Variants in EVL observed in about 807,000 individuals in gnomAD.
EVL encodes Enah/Vasp-like, also known as ena/VASP-like protein.
In EVL, 21 loss-of-function variants were observed where a neutral mutation model predicts 59.6. The ratio of observed to expected loss-of-function variants is 0.35; its 90% CI spans 0.25 to 0.51. The LOEUF is 0.51. Among genes scored for constraint, EVL ranks in the 20% least tolerant of loss-of-function variants. The pLI is 0.97. For missense variants in EVL, 462 were observed against 546.6 expected (o/e 0.85, Z 1.54); for synonymous variants, 198 against 203.5 (o/e 0.97, Z 0.23).
chr14:100,109,762 C>T lies in EVL; in HGVS notation c.358+12104C>T, dbSNP rs372534783. On this transcript the variant is annotated intron_variant, in intron 3 of 13. Coordinates refer to ENST00000392920, the MANE Select transcript of EVL (RefSeq NM_016337.3). The surrounding 1 kb of genome is among the most constrained non-coding windows in gnomAD (Gnocchi z 4.3). ...TCACCTTGGCCTACTTATCACCACCCCAAACAGAGGAACACGCCTTCTCCA... is the reference window on the plus strand; with the variant it reads ...TCACCTTGGCCTACTTATCACCACCTCAAACAGAGGAACACGCCTTCTCCA... The T allele has an allele frequency of 1.3e-4, 66 of 521,032 alleles. No individual in the cohort carries two copies. The highest frequency in any genetic ancestry group is 2.5e-4 in the Non-Finnish European group (63 of 252,300). 32.3% of individuals were successfully genotyped at this position (521,032 alleles called of 1,614,324 possible).
chr14:100,095,016 G>A (rs1885707350), intron 2 of EVL, among the ~76,000 whole-genome samples: 1 of 152,170 alleles, frequency 6.6e-6, no homozygotes, highest in African/African-American at 2.4e-5. Context: ...ACTCCAGCCT[G>A]GGTGACAGAG....
chr14:100,017,106 T>C (rs1453798634), intron 1 of EVL, among the ~76,000 whole-genome samples: 1 of 152,248 alleles, frequency 6.6e-6, no homozygotes, highest in Non-Finnish European at 1.5e-5. Context: ...TGTATGACCC[T>C]GGACAAGTTA....
At position 100,056,389 on chromosome 14, in the gene EVL, T is replaced by TA. The variant is rs553311467; in HGVS notation, c.6-28288dup. Among the ~76,000 whole-genome samples, 1,454 of 149,564 alleles carry TA rather than the reference T, an allele frequency of 9.7e-3. 18 individuals are homozygous for TA. Among genetic ancestry groups the TA allele is most frequent in the African/African-American group, 0.033 (1,355 of 40,858 alleles). ...TATTTCAGCAATTATATTTTTATAC[T>TA]AAAAAAAAAATTGCTTGGTTGTTCT... On this transcript the variant is annotated intron_variant, in intron 1 of 13. Coordinates refer to the EVL transcript ENST00000402714.
chr14:100,031,282 T>G (rs967125325), intron 1 of EVL, among the ~76,000 whole-genome samples: 7 of 152,364 alleles, frequency 4.6e-5, no homozygotes, highest in African/African-American at 1.7e-4. Flanking sequence ...CTGATGATTC[T>G]GATGTACACA....
intron 1 of EVL, among the ~76,000 whole-genome samples, chr14:100,000,303 C>A (rs1450657756): frequency 6.6e-6 from 1 of 151,160 alleles, no homozygotes; most frequent in Non-Finnish European, 1.5e-5. Flanking sequence ...GATGGAGCTT[C>A]CAGGTCATAG....
At chr14:100,049,970 T>C (rs2061620297) in intron 1 of EVL, among the ~76,000 whole-genome samples, 1 of 152,250 alleles carries the variant, frequency 6.6e-6, no homozygotes, top group Non-Finnish European at 1.5e-5. Context: ...TGTTATGGCA[T>C]GTTTGCATCA....
intron 1 of EVL, among the ~76,000 whole-genome samples, chr14:99,987,790 C>T (rs2060848720): frequency 6.6e-6 from 1 of 152,012 alleles, no homozygotes; most frequent in Admixed American, 6.6e-5. Context: ...TCTTGGACTT[C>T]TCAGCTTCTA....
intron 1 of EVL, among the ~76,000 whole-genome samples, chr14:100,046,126 G>C (rs546960462): frequency 6.6e-6 from 1 of 152,128 alleles, no homozygotes; most frequent in Non-Finnish European, 1.5e-5. Flanking sequence ...AGAAAAACTC[G>C]GGAGACAGTG....
chr14:100,087,504 A>G (rs1414737207), intron 2 of EVL, among the ~76,000 whole-genome samples: 1 of 152,098 alleles, frequency 6.6e-6, no homozygotes, highest in Non-Finnish European at 1.5e-5. Context: ...AGTCCCAGCT[A>G]CTCAGGAGGC....
rs1215749545 is a variant in EVL at position 100,132,766 on chromosome 14, A to G, written c.887A>G (p.Asp296Gly). The G allele has an allele frequency of 6.2e-7, 1 of 1,614,024 alleles. No homozygotes were observed. The highest frequency in any genetic ancestry group is 1.7e-5 in the Admixed American group (1 of 60,004). Residue 296 changes from aspartate to glycine, a missense_variant, in exon 8 of 14, where the codon GAT becomes GGT. Asp to Gly is a moderately conservative substitution (Grantham distance 94, BLOSUM62 -1). Transcript: ENST00000392920. The part of the protein sequence containing the change: ...QSDKPAEKKE[D>G]ESQMEDPSTS... The stretch of plus-strand genomic sequence containing the variant: ...GACAAGCCAGCCGAGAAGAAGGAAG[A>G]TGAAAGCCAAATGGTGAGCAAGCAG...
intron 1 of EVL, among the ~76,000 whole-genome samples, chr14:99,989,503 A>G (rs1419863419): frequency 2.6e-5 from 4 of 152,224 alleles, no homozygotes; most frequent in African/African-American, 9.6e-5. Context: ...CATAACTCCT[A>G]GAGAGTATGC....
At chr14:100,135,119 C>T (rs1436001611) in intron 8 of EVL, 1 of 152,256 alleles carries the variant, frequency 6.6e-6, no homozygotes, top group Non-Finnish European at 1.5e-5. Flanking sequence ...AGAACCTCAT[C>T]CCAGCACCTG....
chr14:100,032,244 T>C (rs368536105), intron 1 of EVL, among the ~76,000 whole-genome samples: 49 of 152,352 alleles, frequency 3.2e-4, no homozygotes, highest in African/African-American at 1.2e-3. Flanking sequence ...AGAATGAAGA[T>C]TGTGTACTTT....
upstream of EVL, among the ~76,000 whole-genome samples, chr14:100,064,098 G>A (rs989008555): frequency 2.0e-5 from 3 of 152,086 alleles, no homozygotes; most frequent in East Asian, 1.9e-4. Flanking sequence ...GTGCTTAAAG[G>A]GAAATGTATA....
At chr14:100,123,236 T>C (rs1887811338) in intron 3 of EVL, among the ~76,000 whole-genome samples, 1 of 152,030 alleles carries the variant, frequency 6.6e-6, no homozygotes, top group Non-Finnish European at 1.5e-5. Flanking sequence ...GTCGAAGCAG[T>C]GAGAAGATAG....
In EVL at chr14:100,041,209, T is replaced by C. The variant is rs548505485; in HGVS notation, c.6-43478T>C. On this transcript the variant is annotated intron_variant, in intron 1 of 13. Transcript: ENST00000402714. ...CAGTTTTAAAAGGAGGAAGTTATGA[T>C]TGGCAGCATGGAAAGGAAAAGATAT... Among the ~76,000 whole-genome samples, 6 of 152,326 alleles carry C rather than the reference T, an allele frequency of 3.9e-5. No individual in the cohort carries two copies. The South Asian group carries it at 1.2e-3, about 32-fold the overall frequency.
At chr14:100,107,645 A>T in intron 3 of EVL, 1 of 204,134 alleles carries the variant, frequency 4.9e-6, no homozygotes. Context: ...GAGAGGGTTG[A>T]GTAACTGGAT....
At chr14:100,137,990 CTG>C (rs1304519864) in intron 11 of EVL, 188 bp downstream of exon 11, 4 of 625,850 alleles carry the variant, frequency 6.4e-6, no homozygotes, top group African/African-American at 1.8e-5. Context: ...TCTTTTCCCT[CTG>C]AGAGAGAGAC....
At position 100,128,691 on chromosome 14, in the gene EVL, C is replaced by T; in HGVS notation, c.660C>T (p.Ser220=). Residue 220 remains serine (S), a synonymous_variant, in exon 6 of 14, where the codon AGC becomes AGT. Transcript: ENST00000392920. ...GGAQGSSHDE[S]SMSGLAAAIA... ...CCCAGGGGTCCAGCCACGACGAGAG[C>T]TCCATGTCAGGACTGGCCGCTGCCA... is the stretch of plus-strand genomic sequence containing the variant. The T allele has an allele frequency of 1.2e-6, 2 of 1,607,192 alleles. No homozygotes were observed. The highest frequency in any genetic ancestry group is 1.7e-5 in the Admixed American group (1 of 59,626).
Sources: allele counts gnomAD v4.1 joint callset (sites outside exome capture counted in the v4.1 genomes callset), GRCh38; gene constraint gnomAD v4.1.1; non-coding constraint Gnocchi (gnomAD v3.1); transcripts MANE v1.5; gene names NCBI Gene and HGNC (gene_info 2026-07-23, HGNC 2026-07-21).